The following CPAP variants were observed in gnomAD, a reference collection of about 807,000 sequenced individuals.
CPAP encodes centrosomal P4.1-associated protein.
chr13:24,916,201 G>A, the CPAP span, among the ~76,000 whole-genome samples: 1 of 152,180 alleles, frequency 6.6e-6, no homozygotes, highest in East Asian at 1.9e-4. Flanking sequence ...GGGGAGAATT[G>A]CTACAGTCAT....
At chr13:24,901,904 T>C in the CPAP span, among the ~76,000 whole-genome samples, 1 of 152,084 alleles carries the variant, frequency 6.6e-6, no homozygotes, top group Non-Finnish European at 1.5e-5. Context: ...AGGTGGAGGA[T>C]GGTTTGAGCC....
the CPAP span, among the ~76,000 whole-genome samples, chr13:24,921,671 T>C: frequency 6.6e-6 from 1 of 152,128 alleles, no homozygotes; most frequent in Non-Finnish European, 1.5e-5. Flanking sequence ...TTAATTTCAA[T>C]GACCTTAGCA....
At chr13:24,906,557 T>C in the CPAP span, 1 of 1,614,202 alleles carries the variant, frequency 6.2e-7, no homozygotes, top group Non-Finnish European at 8.5e-7. Flanking sequence ...AGATGTGACT[T>C]TGTTTTCAAA....
chr13:24,883,407 A>AAT, the CPAP span: 2 of 1,453,026 alleles, frequency 1.4e-6, no homozygotes, highest in East Asian at 5.0e-5. Context: ...CTTAAAAAAA[A>AAT]AATAATAGAA....
the CPAP span, chr13:24,910,147 C>A: frequency 6.8e-7 from 1 of 1,470,168 alleles, no homozygotes; most frequent in South Asian, 1.1e-5. Context: ...CTTTTATCCC[C>A]AGTAGTGACC....
chr13:24,914,935 C>A, the CPAP span, among the ~76,000 whole-genome samples: 1 of 151,912 alleles, frequency 6.6e-6, no homozygotes, highest in African/African-American at 2.4e-5. Flanking sequence ...ATTAGCCAGG[C>A]GTCAGGGTGC....
the CPAP span, among the ~76,000 whole-genome samples, chr13:24,898,260 A>G: frequency 6.6e-6 from 1 of 152,132 alleles, no homozygotes; most frequent in African/African-American, 2.4e-5. Context: ...AGGTGAAATG[A>G]GGAGATGTCT....
chr13:24,902,025 G>A, the CPAP span, among the ~76,000 whole-genome samples: 3 of 152,108 alleles, frequency 2.0e-5, no homozygotes, highest in East Asian at 5.8e-4. Context: ...GCAGATTAAA[G>A]AGCCCATACA....
At chr13:24,895,028 G>C in the CPAP span, among the ~76,000 whole-genome samples, 1 of 152,228 alleles carries the variant, frequency 6.6e-6, no homozygotes, top group East Asian at 1.9e-4. Flanking sequence ...AAAGCTCAGA[G>C]GCAAGGCCTC....
chr13:24,922,450 G>A, the CPAP span, among the ~76,000 whole-genome samples: 5 of 152,246 alleles, frequency 3.3e-5, no homozygotes, highest in African/African-American at 1.2e-4. Context: ...CCCTGCTCCA[G>A]CGGACTGCGG....
chr13:24,894,481 C>G, the CPAP span, among the ~76,000 whole-genome samples: 1 of 152,210 alleles, frequency 6.6e-6, no homozygotes, highest in Admixed American at 6.5e-5. Flanking sequence ...AGTGGCTCCA[C>G]AGGGGCCGTG....
chr13:24,892,878 A>G, the CPAP span: 2 of 1,554,558 alleles, frequency 1.3e-6, no homozygotes, highest in Non-Finnish European at 1.8e-6. Flanking sequence ...CTCTCAAAAA[A>G]AAAAAACAAA....
the CPAP span, among the ~76,000 whole-genome samples, chr13:24,927,823 T>C: frequency 1.8e-4 from 28 of 152,242 alleles, 1 homozygote; most frequent in Non-Finnish European, 2.2e-4. Context: ...TGAATTTATA[T>C]GCCTCTGTCA....
At chr13:24,908,188 G>T in the CPAP span, 1 of 1,168,256 alleles carries the variant, frequency 8.6e-7, no homozygotes. Context: ...TAAAACATGA[G>T]AATTCTACAA....
At chr13:24,929,094 G>T in the CPAP span, among the ~76,000 whole-genome samples, 1 of 152,128 alleles carries the variant, frequency 6.6e-6, no homozygotes, top group South Asian at 2.1e-4. Flanking sequence ...TAGATGGGGT[G>T]ACTCTATCAC....
At chr13:24,917,339 G>A in the CPAP span, among the ~76,000 whole-genome samples, 14 of 152,314 alleles carry the variant, frequency 9.2e-5, no homozygotes, top group South Asian at 4.1e-4. Context: ...CACTTGAAAT[G>A]TGGCTAATGT....
chr13:24,908,089 C>A, the CPAP span: 1 of 1,613,066 alleles, frequency 6.2e-7, no homozygotes, highest in South Asian at 1.1e-5. Context: ...CTTCCTGAAT[C>A]TGTTCTGTCA....
chr13:24,909,125 T>C, the CPAP span, among the ~76,000 whole-genome samples: 2 of 152,228 alleles, frequency 1.3e-5, no homozygotes, highest in South Asian at 2.1e-4. Flanking sequence ...TCAACTTTTC[T>C]AGATGTTTGA....
the CPAP span, among the ~76,000 whole-genome samples, chr13:24,904,467 A>G: frequency 6.6e-6 from 1 of 152,204 alleles, no homozygotes; most frequent in Non-Finnish European, 1.5e-5. Flanking sequence ...CCCTTTATCA[A>G]ATTTGCTATT....
Sources: allele counts gnomAD v4.1 joint callset (sites outside exome capture counted in the v4.1 genomes callset), GRCh38; gene constraint gnomAD v4.1.1; transcripts MANE v1.5; gene names NCBI Gene and HGNC (gene_info 2026-07-23, HGNC 2026-07-21).